Variants in NFKBIA observed in about 807,000 individuals in gnomAD.
NFKBIA encodes the protein NF-kappa-B inhibitor alpha.
NFKBIA carries 10 observed loss-of-function variants against 36.3 expected under a neutral mutation model. The observed-to-expected ratio is 0.28, with a 90% CI of 0.17 to 0.47. The LOEUF is 0.47. NFKBIA is among the 20% of genes least tolerant of loss of function. NFKBIA has a pLI of 0.99. For missense variants in NFKBIA, 355 were observed against 399.3 expected, an observed-to-expected ratio of 0.89 and a Z score of 0.94; for synonymous variants, 205 against 164.4, an observed-to-expected ratio of 1.25 and a Z score of -1.89.
Position 35,402,658 on chromosome 14 carries a change from G to C in NFKBIA, c.642C>G (p.Pro214=). ...GGTGAAGGGCAGTCCGGCCATTACA[G>C]GGCTCCTGAAACCAAAAGGAATTTG... ...SLGADVNAQE[P]CNGRTALHLA... is the part of the protein sequence containing the mutation. Residue 214 remains proline (P), a synonymous_variant, in exon 5 of 6, where the codon CCC becomes CCG. Coordinates refer to ENST00000216797, the MANE Select transcript of NFKBIA (RefSeq NM_020529.3). 1.2e-6 allele frequency: 2 copies of C among 1,614,234 alleles called. No homozygotes were observed. Among genetic ancestry groups the C allele is most frequent in the South Asian group, 2.2e-5 (2 of 91,084 alleles).
intron 2 of NFKBIA, 82 bp from the exon 3 acceptor site, chr14:35,403,442 T>C (rs2052750267): frequency 4.7e-6 from 7 of 1,476,530 alleles, no homozygotes; most frequent in Admixed American, 1.8e-5. Flanking sequence ...TGTCTCCTGG[T>C]TGGGTGCTGC....
chr14:35,403,355 T>G lies in NFKBIA; in HGVS notation c.342A>C (p.Pro114=), dbSNP rs2052749332. Residue 114 remains proline (P), a synonymous_variant, in exon 3 of 6, where the codon CCA becomes CCC. Transcript: ENST00000216797. ...LNFQNNLQQT[P]LHLAVITNQP... is the part of the protein sequence containing the mutation. ...GGTTGGTGATCACAGCCAAGTGGAGTGGAGTCTACGAATGCAAGAGAGACC... is the reference window on the plus strand; with the variant it reads ...GGTTGGTGATCACAGCCAAGTGGAGGGGAGTCTACGAATGCAAGAGAGACC... 1.2e-6 allele frequency: 2 copies of G among 1,613,368 alleles called. No individual in the cohort carries two copies. Among genetic ancestry groups the G allele is most frequent in the Middle Eastern group, 1.7e-4 (1 of 5,916 alleles).
chr14:35,402,991 A>G, intron 3 of NFKBIA, 132 bp from the exon 4 acceptor site: 1 of 1,238,826 alleles, frequency 8.1e-7, no homozygotes, highest in Non-Finnish European at 1.2e-6. Flanking sequence ...AAAGAACTTT[A>G]TAAAGGCATC....
In NFKBIA at chr14:35,403,159, T is replaced by G; in HGVS notation, c.538A>C (p.Asn180His). Residue 180 changes from asparagine (N) to histidine (H), a missense_variant, in exon 3 of 6, where the codon AAC becomes CAC. By Grantham distance (68) the Asn-to-His change is moderately conservative. Transcript: ENST00000216797. ...AGGGAGGCAGACATACCATTGTAGT[T>G]GGTAGCCTTCAGGATGGAGTGGAGG... ...PHLHSILKAT[N>H]YNGHTCLHLA... is the part of the protein sequence containing the mutation. 1 of 1,611,366 alleles carries G rather than the reference T, an allele frequency of 6.2e-7. No homozygotes were observed. Among genetic ancestry groups the G allele is most frequent in the Non-Finnish European group, 8.5e-7 (1 of 1,179,378 alleles).
Position 35,403,138 on chromosome 14 carries a change from A to C in NFKBIA, c.547+12T>G. 2 of 1,608,504 alleles carry C rather than the reference A, an allele frequency of 1.2e-6. No homozygotes were observed. The highest frequency in any genetic ancestry group is 1.7e-6 in the Non-Finnish European group (2 of 1,177,014). ...TCCGAGGGGGTGGGGCAGGGCAGGG[A>C]GGCAGACATACCATTGTAGTTGGTA... On this transcript the variant is annotated intron_variant, in intron 3 of 5. Transcript: ENST00000216797.
At chr14:35,404,101 C>T in intron 1 of NFKBIA, 2 of 437,010 alleles carry the variant, frequency 4.6e-6, no homozygotes, top group Non-Finnish European at 8.3e-6. Context: ...CCCGCCCCGC[C>T]TTATGCAACC....
At chr14:35,404,163 T>TC (rs2052762218) in intron 1 of NFKBIA, 2 of 328,942 alleles carry the variant, frequency 6.1e-6, no homozygotes, top group South Asian at 3.6e-5. Context: ...AGGACGGGTC[T>TC]GGGGGGAGGG....
At chr14:35,403,105 AC>A (rs1471699737) in intron 3 of NFKBIA, 44 bp downstream of exon 3, 1 of 1,587,188 alleles carries the variant, frequency 6.3e-7, no homozygotes, top group East Asian at 2.2e-5. Flanking sequence ...TCTCCACGTC[AC>A]CTGCCCTCCG....
intron 4 of NFKBIA, 42 bp downstream of exon 4, chr14:35,402,729 C>T (rs1489917705): frequency 2.5e-6 from 4 of 1,613,810 alleles, no homozygotes; most frequent in Admixed American, 1.7e-5. Flanking sequence ...AACATAAGCA[C>T]GAGGAGCCTG....
chr14:35,404,630 G>T lies in NFKBIA; in HGVS notation c.15C>A (p.Ala5=). The T allele has an allele frequency of 6.6e-7, 1 of 1,516,240 alleles. No individual in the cohort carries two copies. The allele number at this position is 1,516,240 out of a possible 1,614,324, so 93.9% of individuals were successfully genotyped here. The change falls in exon 1 of 6, where the codon GCC becomes GCA. Residue 5 remains alanine (A), a synonymous_variant. Transcript: ENST00000216797. MFQA[A]ERPQEWAMEG... is the part of the protein sequence containing the mutation. ...CCATGGCCCACTCCTGGGGGCGCTC[G>T]GCCGCCTGGAACATGGCGCGGACGA...
At chr14:35,402,340 G>C in intron 5 of NFKBIA, 54 bp downstream of exon 5, 1 of 1,607,576 alleles carries the variant, frequency 6.2e-7, no homozygotes, top group South Asian at 1.1e-5. Flanking sequence ...GCCTGGGAGG[G>C]TGAAGGGAAT....
In NFKBIA at chr14:35,402,376, A is replaced by G; in HGVS notation, c.906+18T>C. ...GGCACCTCATTAGTTAGAGCGCCGA[A>G]GGAGTTCACAGACTCACCTCGTCCT... is the stretch of plus-strand genomic sequence containing the variant. On this transcript the variant is annotated intron_variant, in intron 5 of 5. Transcript: ENST00000216797. 2 of 1,614,082 alleles carry G rather than the reference A, an allele frequency of 1.2e-6. No homozygotes were observed. The highest frequency in any genetic ancestry group is 2.2e-5 in the East Asian group (1 of 44,886).
rs1456076438 is a variant in NFKBIA at position 35,404,703 on chromosome 14, T to C, written c.-59A>G. 1.6e-6 allele frequency: 2 copies of C among 1,225,058 alleles called. No individual in the cohort carries two copies. The highest frequency in any genetic ancestry group is 4.1e-5 in the Admixed American group (1 of 24,180). 75.9% of individuals were successfully genotyped at this position (1,225,058 alleles called of 1,614,324 possible). A position where few individuals can be genotyped will look rare whatever the true frequency, so the allele number is the denominator to read the frequency against. On this transcript the variant is annotated 5_prime_UTR_variant, in exon 1 of 6. Coordinates refer to ENST00000216797, the MANE Select transcript of NFKBIA (RefSeq NM_020529.3). ...CGCTGGGCCGCGGGCTGCGCGCTGC[T>C]TCCTCGCTGGGGCGCTGGCGGGCGG... is the stretch of plus-strand genomic sequence containing the variant.
Position 35,403,176 on chromosome 14 carries a change from G to A in NFKBIA, c.521C>T (p.Ser174Phe). Residue 174 changes from serine (S) to phenylalanine (F), a missense_variant, in exon 3 of 6, where the codon TCC becomes TTC. By Grantham distance (155) the Ser-to-Phe change is radical. Transcript: ENST00000216797. ...TQSCTTPHLH[S>F]ILKATNYNGH... is the part of the protein sequence containing the mutation. ...ATTGTAGTTGGTAGCCTTCAGGATG[G>A]AGTGGAGGTGCGGGGTGGTGCAGGA... 1 of 1,612,174 alleles carries A rather than the reference G, an allele frequency of 6.2e-7. No homozygotes were observed. The highest frequency in any genetic ancestry group is 1.1e-5 in the South Asian group (1 of 90,994).
chr14:35,404,221 C>T lies in NFKBIA; in HGVS notation c.227+197G>A, dbSNP rs1199201496. On this transcript the variant is annotated intron_variant, in intron 1 of 5. Transcript: ENST00000216797. ...CACCAGGGCCCAGCCGCCGCCCCTC[C>T]GAGTTGGGCCGGTGCCCCGCGCGGC... 9 of 329,498 alleles carry T rather than the reference C, an allele frequency of 2.7e-5. No individual in the cohort carries two copies. The East Asian group carries it at 6.1e-4, about 22-fold the overall frequency. The allele number at this position is 329,498 out of a possible 1,614,324, so 20.4% of individuals were successfully genotyped here.
chr14:35,404,718 C>T lies in NFKBIA; in HGVS notation c.-74G>A. 2 of 1,129,354 alleles carry T rather than the reference C, an allele frequency of 1.8e-6. No homozygotes were observed. Among genetic ancestry groups the T allele is most frequent in the Non-Finnish European group, 1.1e-6 (1 of 871,974 alleles). 70.0% of individuals were successfully genotyped at this position (1,129,354 alleles called of 1,614,324 possible). On this transcript the variant is annotated 5_prime_UTR_variant, in exon 1 of 6. Transcript: ENST00000216797. ...TGCGCGCTGCTTCCTCGCTGGGGCG[C>T]TGGCGGGCGGGACGGCGGCACGGAC...
At chr14:35,403,593 G>T in intron 2 of NFKBIA, 97 bp downstream of exon 2, 4 of 910,766 alleles carry the variant, frequency 4.4e-6, no homozygotes, top group Non-Finnish European at 7.2e-6. Flanking sequence ...GGTAAATAGT[G>T]CTCAGTGGCC....
chr14:35,402,273 C>G, intron 5 of NFKBIA, 121 bp downstream of exon 5: 1 of 1,203,230 alleles, frequency 8.3e-7, no homozygotes, highest in South Asian at 1.2e-5. Flanking sequence ...TGGTTATGCA[C>G]AGAAATTTGA....
chr14:35,404,623 G>A lies in NFKBIA; in HGVS notation c.22C>T (p.Pro8Ser), dbSNP rs1356888768. MFQAAER[P>S]QEWAMEGPRD... Reference sequence around the variant, plus strand: ...GGGCCCTCCATGGCCCACTCCTGGGGGCGCTCGGCCGCCTGGAACATGGCG... The same window carrying A: ...GGGCCCTCCATGGCCCACTCCTGGGAGCGCTCGGCCGCCTGGAACATGGCG... The change falls in exon 1 of 6, where the codon CCC becomes TCC. Residue 8 changes from proline (P) to serine (S), a missense_variant. Pro to Ser is a moderately conservative substitution (Grantham distance 74). Transcript: ENST00000216797. 4.6e-6 allele frequency: 7 copies of A among 1,527,462 alleles called. No individual in the cohort carries two copies. In the East Asian group the frequency reaches 1.9e-4, roughly 42 times the overall value. The allele number at this position is 1,527,462 out of a possible 1,614,324, so 94.6% of individuals were successfully genotyped here. A position where few individuals can be genotyped will look rare whatever the true frequency, so the allele number is the denominator to read the frequency against.
Sources: gnomAD v4.1 joint callset for allele counts on GRCh38, gnomAD v4.1.1 for gene constraint, MANE v1.5 for transcripts, NCBI Gene and HGNC (gene_info 2026-07-23, HGNC 2026-07-21) for gene names.